BRCA1: variants seen among roughly 807,000 people sequenced by gnomAD.
BRCA1 encodes the protein BRCA1 DNA repair associated.
BRCA1 carries 140 observed loss-of-function variants against 173.7 expected under a neutral mutation model. That is an observed-to-expected ratio of 0.81 (90% confidence interval 0.70 to 0.93). The LOEUF is 0.93. BRCA1 is among the 40% of genes least tolerant of loss of function. The pLI, the probability that BRCA1 is intolerant of heterozygous loss-of-function variation, is 0.00. For synonymous variants in BRCA1, 662 were observed against 756.0 expected, an observed-to-expected ratio of 0.88 and a Z score of 2.04; for missense variants, 1,983 against 2,172.5, an observed-to-expected ratio of 0.91 and a Z score of 1.73.
At chr17:43,134,737 G>T (rs753640389) in intron 1 of BRCA1, among the ~76,000 whole-genome samples, 5 of 152,206 alleles carry the variant, frequency 3.3e-5, no homozygotes, top group Non-Finnish European at 7.3e-5. Flanking sequence ...GAGAAAGGGA[G>T]GTTCTCACTC....
chr17:43,079,435 C>T (rs746872895), intron 12 of BRCA1: 29 of 1,538,500 alleles, frequency 1.9e-5, no homozygotes, highest in Admixed American at 6.7e-5. Context: ...ATCAAGGGAA[C>T]GGGTACTGTT....
chr17:43,080,239 G>T (rs2052941857), intron 12 of BRCA1, among the ~76,000 whole-genome samples: 1 of 152,186 alleles, frequency 6.6e-6, no homozygotes, highest in Admixed American at 6.5e-5. Flanking sequence ...GCATTGTACA[G>T]GGTATTGTGA....
intron 16 of BRCA1, among the ~76,000 whole-genome samples, chr17:43,064,827 ATTT>A (rs60879064): frequency 3.7e-5 from 4 of 106,676 alleles, no homozygotes; most frequent in Admixed American, 2.1e-4. Flanking sequence ...TTTGATTTGC[ATTT>A]TTTTTTTTTT....
rs1030987340 is a variant in BRCA1 at position 43,095,841 on chromosome 17, A to G, written c.670+5T>C. ...GCCTGTTAAGTTGGCAAACTTTGCC[A>G]TTACCCTTTTTTGCAGAATCCAAAC... On this transcript the variant is annotated splice_donor_5th_base_variant and intron_variant, in intron 9 of 22. Coordinates refer to ENST00000357654, the MANE Select transcript of BRCA1 (RefSeq NM_007294.4). The G allele has an allele frequency of 1.9e-6, 3 of 1,611,936 alleles. No individual in the cohort carries two copies. The highest frequency in any genetic ancestry group is 1.1e-5 in the South Asian group (1 of 90,892).
chr17:43,158,133 G>C (rs1436948345), intron 1 of BRCA1, among the ~76,000 whole-genome samples: 1 of 151,984 alleles, frequency 6.6e-6, no homozygotes, highest in Non-Finnish European at 1.5e-5. Context: ...TTATGTATCT[G>C]AGTTTTTAAT....
intron 15 of BRCA1, among the ~76,000 whole-genome samples, chr17:43,069,167 C>T (rs1214291991): frequency 1.3e-5 from 2 of 152,210 alleles, no homozygotes; most frequent in Admixed American, 6.5e-5. Flanking sequence ...CATCCTCCCC[C>T]TTTTGCTACC....
chr17:43,111,087 C>G (rs1422541149), intron 3 of BRCA1, among the ~76,000 whole-genome samples: 4 of 130,496 alleles, frequency 3.1e-5, no homozygotes, highest in African/African-American at 1.1e-4. Context: ...GGCAACAGAA[C>G]AAGACTCCAT....
intron 11 of BRCA1, among the ~76,000 whole-genome samples, chr17:43,087,161 A>C (rs372783383): frequency 1.2e-4 from 18 of 152,316 alleles, no homozygotes; most frequent in African/African-American, 4.3e-4. Context: ...AAACACCAAA[A>C]TCCTAGTCCC....
At chr17:43,091,137 C>A (rs2154261227) in intron 10 of BRCA1, 105 bp from the exon 11 acceptor site, 1 of 1,131,404 alleles carries the variant, frequency 8.8e-7, no homozygotes, top group Non-Finnish European at 1.3e-6. Context: ...ACTTTCATGT[C>A]ACACAAAATG....
At position 43,063,914 on chromosome 17, in the gene BRCA1, A is replaced by G. The variant is rs2051921852; in HGVS notation, c.5112T>C (p.Phe1704=). The G allele has an allele frequency of 1.2e-6, 2 of 1,614,160 alleles. No homozygotes were observed. Among genetic ancestry groups the G allele is most frequent in the Non-Finnish European group, 1.7e-6 (2 of 1,179,988 alleles). ...EFVCERTLKY[F]LGIAGGKWVV... ...CCCATTTTCCTCCCGCAATTCCTAG[A>G]AAATATTTCAGTGTCCGTTCACACA... Residue 1704 remains phenylalanine, a synonymous_variant, in exon 17 of 23, where the codon TTT becomes TTC. Coordinates refer to ENST00000357654, the MANE Select transcript of BRCA1 (RefSeq NM_007294.4).
chr17:43,147,198 TTTTTA>T (rs1042398660), intron 1 of BRCA1, among the ~76,000 whole-genome samples: 3 of 150,894 alleles, frequency 2.0e-5, no homozygotes, highest in Non-Finnish European at 3.0e-5. Context: ...CGGGGTTTCT[TTTTTA>T]TTTTGAGACA....
chr17:43,049,672 A>G (rs1484671102), intron 20 of BRCA1, among the ~76,000 whole-genome samples: 1 of 152,210 alleles, frequency 6.6e-6, no homozygotes, highest in Non-Finnish European at 1.5e-5. Flanking sequence ...CAGTCAAAAA[A>G]ATACATGTTA....
chr17:43,065,110 C>G (rs183529484), intron 16 of BRCA1, among the ~76,000 whole-genome samples: 70 of 152,226 alleles, frequency 4.6e-4, no homozygotes, highest in African/African-American at 1.5e-3. Context: ...GATTACAGGC[C>G]TGAGCCACCA....
intron 1 of BRCA1, among the ~76,000 whole-genome samples, chr17:43,152,356 T>C (rs1453734313): frequency 1.3e-5 from 2 of 152,208 alleles, no homozygotes; most frequent in African/African-American, 2.4e-5. Context: ...TAGAACTGCA[T>C]TTATTCATCC....
upstream of BRCA1, chr17:43,125,586 G>A (rs567157356): frequency 6.6e-6 from 2 of 301,880 alleles, no homozygotes; most frequent in South Asian, 5.9e-5. Context: ...AGACGGAAGA[G>A]GAAGAATTCT....
In BRCA1 at chr17:43,160,935, TA is replaced by T. The variant is rs1406936090; in HGVS notation, c.-20+9190del. On this transcript the variant is annotated intron_variant, in intron 1 of 7. Transcript: ENST00000634433. The stretch of plus-strand genomic sequence containing the variant: ...AGGTTCCTATTACTATTATAACTCT[TA>T]TTATAAGAGTTTTAAATCCTCCTAG... 1.6e-4 allele frequency: 25 copies of T among 152,244 alleles called. 1 individual carries two copies. The East Asian group carries it at 3.9e-3, about 23-fold the overall frequency. 9.4% of individuals were successfully genotyped at this position (152,244 alleles called of 1,614,324 possible). A position where few individuals can be genotyped will look rare whatever the true frequency, so the allele number is the denominator to read the frequency against.
chr17:43,100,674 ATATAATATATAT>A (rs1413253878), intron 6 of BRCA1, among the ~76,000 whole-genome samples: 545 of 18,154 alleles, frequency 0.03, 46 homozygotes, highest in South Asian at 0.13. Flanking sequence ...ATATATATAT[ATATAATATATAT>A]ATATATATAT....
At chr17:43,133,671 G>A (rs2055991006) in intron 1 of BRCA1, among the ~76,000 whole-genome samples, 2 of 133,188 alleles carry the variant, frequency 1.5e-5, no homozygotes, top group South Asian at 2.4e-4. Context: ...ATCTCACTCT[G>A]TTACCCAGGC....
At chr17:43,064,445 CCT>C (rs2051964488) in intron 16 of BRCA1, among the ~76,000 whole-genome samples, 1 of 152,176 alleles carries the variant, frequency 6.6e-6, no homozygotes, top group Non-Finnish European at 1.5e-5. Context: ...CTAATATTCC[CCT>C]GAGAGGGATG....
Sources: allele counts gnomAD v4.1 joint callset (sites outside exome capture counted in the v4.1 genomes callset), GRCh38; gene constraint gnomAD v4.1.1; transcripts MANE v1.5; gene names NCBI Gene and HGNC (gene_info 2026-07-23, HGNC 2026-07-21).